Variants in GRM7 observed in about 807,000 individuals in gnomAD.
GRM7 encodes metabotropic glutamate receptor 7.
In GRM7, 35 loss-of-function variants were observed where a neutral mutation model predicts 84.5. The observed-to-expected ratio is 0.41, with a 90% CI of 0.32 to 0.55. The LOEUF is 0.55. GRM7 is among the 20% of genes least tolerant of loss of function. The probability of loss-of-function intolerance (pLI) is 0.19; values close to 1 mark genes in which losing one functional copy is unlikely to be tolerated. For synonymous variants in GRM7, 487 were observed against 455.1 expected, an observed-to-expected ratio of 1.07 and a Z score of -0.89; for missense variants, 1,003 against 1,194.6, an observed-to-expected ratio of 0.84 and a Z score of 2.36.
chr3:7,365,864 A>G (rs1575226031), intron 4 of GRM7, among the ~76,000 whole-genome samples: 1 of 150,900 alleles, frequency 6.6e-6, no homozygotes, highest in Admixed American at 6.6e-5. Flanking sequence ...AAGGATCTGG[A>G]TGCCCTTCTC....
chr3:7,380,641 G>A (rs1230564709), intron 4 of GRM7, among the ~76,000 whole-genome samples: 1 of 152,128 alleles, frequency 6.6e-6, no homozygotes, highest in Non-Finnish European at 1.5e-5. Context: ...GGTGATGAGG[G>A]CTCCAGGCCC....
intron 4 of GRM7, among the ~76,000 whole-genome samples, chr3:7,348,796 G>A (rs1337165323): frequency 6.6e-6 from 1 of 152,090 alleles, no homozygotes; most frequent in East Asian, 1.9e-4. Flanking sequence ...GTTTGTACAA[G>A]CCCTCCAAGT....
chr3:7,235,806 C>T (rs1697329978), intron 2 of GRM7, among the ~76,000 whole-genome samples: 1 of 152,096 alleles, frequency 6.6e-6, no homozygotes, highest in Non-Finnish European at 1.5e-5. Flanking sequence ...GTCTATTTTT[C>T]ACTTGTGAGA....
intron 5 of GRM7, among the ~76,000 whole-genome samples, chr3:7,420,384 A>T (rs912508456): frequency 5.9e-5 from 9 of 152,172 alleles, no homozygotes; most frequent in African/African-American, 2.2e-4. Context: ...ATGATTGAGG[A>T]ATCCACAACA....
intron 7 of GRM7, among the ~76,000 whole-genome samples, chr3:7,478,194 G>A (rs528678486): frequency 1.3e-4 from 20 of 152,030 alleles, no homozygotes; most frequent in Non-Finnish European, 2.2e-4. Context: ...TTCAGGAACC[G>A]TGAATTTACA....
chr3:6,952,641 G>A (rs935793425), intron 1 of GRM7, among the ~76,000 whole-genome samples: 15 of 152,100 alleles, frequency 9.9e-5, no homozygotes, highest in African/African-American at 3.4e-4. Context: ...CATCTCTCAG[G>A]GGAAAACTGA....
At chr3:7,133,155 A>G (rs1339974843) in intron 1 of GRM7, among the ~76,000 whole-genome samples, 1 of 152,240 alleles carries the variant, frequency 6.6e-6, no homozygotes, top group Non-Finnish European at 1.5e-5. Flanking sequence ...GCTAGGAAAC[A>G]CAAGGAGCTC....
intron 4 of GRM7, among the ~76,000 whole-genome samples, chr3:7,402,517 T>G (rs151191893): frequency 6.6e-5 from 10 of 152,220 alleles, no homozygotes; most frequent in African/African-American, 2.2e-4. Flanking sequence ...CTATTCTCAT[T>G]TTTACACTTC....
intron 3 of GRM7, among the ~76,000 whole-genome samples, chr3:7,305,199 C>G (rs1003992733): frequency 6.6e-6 from 1 of 152,110 alleles, no homozygotes; most frequent in African/African-American, 2.4e-5. Context: ...GTCATTCCCT[C>G]CCATCCCCAT....
At chr3:7,488,724 G>A (rs566467424) in intron 7 of GRM7, among the ~76,000 whole-genome samples, 3 of 152,170 alleles carry the variant, frequency 2.0e-5, no homozygotes, top group South Asian at 2.1e-4. Flanking sequence ...ACCCAGCCTC[G>A]GATGTTCTGT....
chr3:7,663,624 G>A (rs1309127779), intron 8 of GRM7, among the ~76,000 whole-genome samples: 3 of 152,098 alleles, frequency 2.0e-5, no homozygotes, highest in African/African-American at 7.2e-5. Flanking sequence ...ATTTATAAAT[G>A]TTATACATTG....
At chr3:7,637,557 A>C (rs1181549421) in intron 8 of GRM7, among the ~76,000 whole-genome samples, 1 of 152,248 alleles carries the variant, frequency 6.6e-6, no homozygotes, top group Non-Finnish European at 1.5e-5. Context: ...TTTGGTTTAC[A>C]GAAATTCTCT....
rs1695584537 is a variant in GRM7 at position 7,188,193 on chromosome 3, A to T, written c.736+41525A>T. ...AAGTGAGGAATGAAGAGATGCTTTT[A>T]TTTCAGAGAATCACTGGCAGCAAGA... On this transcript the variant is annotated intron_variant, in intron 2 of 9. Coordinates refer to ENST00000357716, the MANE Select transcript of GRM7 (RefSeq NM_000844.4). The surrounding 1 kb of genome is among the most constrained non-coding windows in gnomAD (Gnocchi z 4.2). 2.0e-5 allele frequency among the ~76,000 whole-genome samples: 3 copies of T among 152,132 alleles called. No individual in the cohort carries two copies. The highest frequency in any genetic ancestry group is 4.4e-5 in the Non-Finnish European group (3 of 68,026).
intron 1 of GRM7, among the ~76,000 whole-genome samples, chr3:7,001,439 G>A (rs887894726): frequency 3.3e-5 from 5 of 152,194 alleles, no homozygotes; most frequent in Admixed American, 6.5e-5. Context: ...TTAACTTTAC[G>A]TGTGGGTAAT....
intron 5 of GRM7, among the ~76,000 whole-genome samples, chr3:7,446,464 G>GTTTTTTT (rs370257829): frequency 1.5e-5 from 2 of 130,576 alleles, no homozygotes; most frequent in African/African-American, 3.0e-5. Context: ...TTTTTTTTTT[G>GTTTTTTT]TTTTTTTTTT....
intron 2 of GRM7, among the ~76,000 whole-genome samples, chr3:7,254,087 T>C (rs1366848867): frequency 1.3e-5 from 2 of 152,130 alleles, no homozygotes; most frequent in African/African-American, 2.4e-5. Flanking sequence ...AGGATTACCA[T>C]GTCAGGCCTT....
chr3:7,456,643 C>T (rs1194517491), intron 6 of GRM7, among the ~76,000 whole-genome samples: 1 of 151,784 alleles, frequency 6.6e-6, no homozygotes, highest in Non-Finnish European at 1.5e-5. Flanking sequence ...GCTGCCTCCT[C>T]TTAGATCTGA....
At chr3:7,120,585 A>C (rs2125043339) in intron 1 of GRM7, among the ~76,000 whole-genome samples, 1 of 152,284 alleles carries the variant, frequency 6.6e-6, no homozygotes, top group Non-Finnish European at 1.5e-5. Context: ...ATTATACCCA[A>C]ATTTTACTGC....
chr3:6,890,086 T>C (rs1372686578), intron 1 of GRM7, among the ~76,000 whole-genome samples: 2 of 152,206 alleles, frequency 1.3e-5, no homozygotes, highest in Non-Finnish European at 2.9e-5. Flanking sequence ...ATATCCCCTT[T>C]ATCATTTTTT....
Sources: allele counts gnomAD v4.1 joint callset (sites outside exome capture counted in the v4.1 genomes callset), GRCh38; gene constraint gnomAD v4.1.1; non-coding constraint Gnocchi (gnomAD v3.1); transcripts MANE v1.5; gene names NCBI Gene and HGNC (gene_info 2026-07-23, HGNC 2026-07-21).